Variants in CIC observed in about 807,000 individuals in gnomAD.
The protein encoded by CIC is protein capicua homolog.
Under a neutral mutation model 115.7 loss-of-function variants are expected in CIC, and 18 were observed. The observed-to-expected ratio is 0.16, with a 90% CI of 0.11 to 0.23. The LOEUF is 0.23. Ranked by LOEUF, CIC falls within the 10% of genes least tolerant of loss-of-function variation. CIC has a pLI of 1.00. For missense variants in CIC, 2,000 were observed against 2,159.3 expected (o/e 0.93, Z 1.46); for synonymous variants, 1,076 against 923.0 (o/e 1.17, Z -3.01).
In CIC at chr19:42,293,834, C is replaced by T. The variant is rs774212554; in HGVS notation, c.6765C>T (p.Asp2255=). Residue 2255 remains aspartate, a splice_region_variant and synonymous_variant, in exon 17 of 21, where the codon GAC becomes GAT. Transcript: ENST00000681038. ...TGAAGAAGACCTTTGACTCTGTGGA[C>T]AAGTGAGCATGGGCTGGGGCCTTGG... ...PPLKKTFDSV[D]NRVLSEVDFE... 9 of 1,612,784 alleles carry T rather than the reference C, an allele frequency of 5.6e-6. No individual in the cohort carries two copies. The South Asian group carries it at 7.7e-5, about 14-fold the overall frequency.
rs772983552 is a variant in CIC at position 42,292,216 on chromosome 19, A to G, written c.5735+9A>G. On this transcript the variant is annotated intron_variant, in intron 13 of 20. Coordinates refer to ENST00000681038, the MANE Select transcript of CIC (RefSeq NM_001386298.1). ...TTGCCCTCCTCCACCAGGTAATTGC[A>G]GCTGAGCCCATACTCAGAGGCCAGG... 2.0e-5 allele frequency: 33 copies of G among 1,613,920 alleles called. No homozygotes were observed. The highest frequency in any genetic ancestry group is 2.8e-5 in the Non-Finnish European group (33 of 1,180,004).
At chr19:42,285,116 A>G (rs528232299) in intron 2 of CIC, among the ~76,000 whole-genome samples, 4 of 152,140 alleles carry the variant, frequency 2.6e-5, no homozygotes, top group Admixed American at 6.5e-5. Flanking sequence ...TGGATTGGGT[A>G]GTGGGGCTAA....
chr19:42,281,525 C>T (rs761102029), intron 2 of CIC, among the ~76,000 whole-genome samples: 1 of 152,164 alleles, frequency 6.6e-6, no homozygotes, highest in Non-Finnish European at 1.5e-5. Flanking sequence ...CATCACAGTC[C>T]TGCTCAGTAC....
intron 2 of CIC, among the ~76,000 whole-genome samples, chr19:42,277,789 G>A (rs905567798): frequency 2.0e-5 from 3 of 152,194 alleles, no homozygotes; most frequent in Non-Finnish European, 2.9e-5. Context: ...CTTGTCCAGT[G>A]CCTATCCTGG....
In CIC at chr19:42,292,723, A is replaced by G. The variant is rs762363710; in HGVS notation, c.6060A>G (p.Pro2020=). The G allele has an allele frequency of 6.2e-7, 1 of 1,613,272 alleles. No individual in the cohort carries two copies. Among genetic ancestry groups the G allele is most frequent in the South Asian group, 1.1e-5 (1 of 91,056 alleles). ...APTSSAPLAQ[P]SQAPPSLVYT... is the part of the protein sequence containing the mutation. ...CCTCCTCAGCACCCCTGGCCCAGCCATCCCAGGCCCCCCCAAGCCTGGTCT... is the reference window on the plus strand; with the variant it reads ...CCTCCTCAGCACCCCTGGCCCAGCCGTCCCAGGCCCCCCCAAGCCTGGTCT... Residue 2020 remains proline (P), a synonymous_variant, in exon 15 of 21, where the codon CCA becomes CCG. Coordinates refer to ENST00000681038, the MANE Select transcript of CIC (RefSeq NM_001386298.1).
rs1391719010 is a variant in CIC, at chr19:42,289,895, C to T, written c.4135C>T (p.Arg1379Trp). Reference sequence around the variant, plus strand: ...TGACATTGATCTCAAGTGCAAGGAGCGGGTGACCGACAGCGAGAGTGGGGA... The same window carrying T: ...TGACATTGATCTCAAGTGCAAGGAGTGGGTGACCGACAGCGAGAGTGGGGA... Reference protein sequence around the residue: ...TTDIDLKCKERVTDSESGDSS... With the variant: ...TTDIDLKCKEWVTDSESGDSS... Residue 1379 changes from arginine (R) to tryptophan (W), a missense_variant, in exon 10 of 21, where the codon CGG becomes TGG. By Grantham distance (101) the Arg-to-Trp change is moderately radical. Coordinates refer to ENST00000681038, the MANE Select transcript of CIC (RefSeq NM_001386298.1). 4 of 1,609,994 alleles carry T rather than the reference C, an allele frequency of 2.5e-6. No homozygotes were observed. Among genetic ancestry groups the T allele is most frequent in the Non-Finnish European group, 2.5e-6 (3 of 1,178,462 alleles).
rs2038345909 is a variant in CIC at position 42,294,073 on chromosome 19, G to A, written c.6906G>A (p.Lys2302=). 2 of 1,613,602 alleles carry A rather than the reference G, an allele frequency of 1.2e-6. No homozygotes were observed. The highest frequency in any genetic ancestry group is 1.3e-5 in the African/African-American group (1 of 75,044). Residue 2302 remains lysine (K), a synonymous_variant, in exon 18 of 21, where the codon AAG becomes AAA. Transcript: ENST00000681038. ...CCATCCTGGGCTCTTACCGCAAGAA[G>A]AGGAAGAACTCCACGGGTAGGCGAG... is the stretch of plus-strand genomic sequence containing the variant. ...PRAILGSYRK[K]RKNSTDLDSA... is the part of the protein sequence containing the mutation.
At chr19:42,289,813 G>A (rs1431038071) in intron 9 of CIC, 35 bp from the exon 10 acceptor site, 1 of 1,515,052 alleles carries the variant, frequency 6.6e-7, no homozygotes, top group Non-Finnish European at 9.0e-7. Context: ...CCTGCATCTA[G>A]CCCCCTCCCC....
chr19:42,291,290 C>T lies in CIC; in HGVS notation c.5249C>T (p.Ala1750Val). ...TLPQQLQVAPAPAPAPGTKAA... is the reference protein window; with the variant it reads ...TLPQQLQVAPVPAPAPGTKAA... Reference sequence around the variant, plus strand: ...CCCCAGCAGCTTCAGGTGGCACCTGCCCCAGCACCAGCCCCTGGGACCAAG... The same window carrying T: ...CCCCAGCAGCTTCAGGTGGCACCTGTCCCAGCACCAGCCCCTGGGACCAAG... Residue 1750 changes from alanine to valine, a missense_variant, in exon 11 of 21, where the codon GCC becomes GTC. Coordinates refer to ENST00000681038, the MANE Select transcript of CIC (RefSeq NM_001386298.1). 1 of 1,612,764 alleles carries T rather than the reference C, an allele frequency of 6.2e-7. No individual in the cohort carries two copies. The highest frequency in any genetic ancestry group is 8.5e-7 in the Non-Finnish European group (1 of 1,179,824).
intron 16 of CIC, 78 bp downstream of exon 16, chr19:42,293,359 A>C (rs1031643482): frequency 2.8e-6 from 4 of 1,450,712 alleles, no homozygotes; most frequent in East Asian, 2.5e-5. Context: ...TTTCTGTCCT[A>C]CTCTTCTTTC....
At chr19:42,290,070 C>T (rs1469254290) in intron 10 of CIC, 119 bp downstream of exon 10, 12 of 1,383,102 alleles carry the variant, frequency 8.7e-6, no homozygotes, top group Non-Finnish European at 1.2e-5. Flanking sequence ...AGCTGCTTGC[C>T]CCGTGGGGAG....
In CIC at chr19:42,271,254, G is replaced by A. The variant is rs369660568; in HGVS notation, c.-10-520G>A. On this transcript the variant is annotated intron_variant, in intron 1 of 20. Transcript: ENST00000681038. ...AGCACACTGAAATGGTCAGGAGCAC[G>A]GACTCTGGAGCCAGAGAGCCTGGGT... Among the ~76,000 whole-genome samples the A allele has an allele frequency of 3.9e-5, 6 of 152,344 alleles. No homozygotes were observed. In the East Asian group the frequency reaches 9.6e-4, roughly 24 times the overall value.
Position 42,288,108 on chromosome 19 carries a change from G to C in CIC, c.3658+133G>C, listed in dbSNP as rs118168321. On this transcript the variant is annotated intron_variant, in intron 7 of 20. Transcript: ENST00000681038. ...CGCTTTAATTTGGCGACCCTTATCC[G>C]TAAAGGAACCGGCAGTTGATTCATG... is the stretch of plus-strand genomic sequence containing the variant. 5.0e-6 allele frequency: 5 copies of C among 1,006,094 alleles called. No homozygotes were observed. In the Admixed American group the frequency reaches 1.1e-4, roughly 22 times the overall value. The allele number at this position is 1,006,094 out of a possible 1,614,324, so 62.3% of individuals were successfully genotyped here. A position where few individuals can be genotyped will look rare whatever the true frequency, so the allele number is the denominator to read the frequency against.
In CIC at chr19:42,286,716, T is replaced by C. The variant is rs2037673684; in HGVS notation, c.2795-55T>C. On this transcript the variant is annotated intron_variant, in intron 2 of 20. Coordinates refer to ENST00000681038, the MANE Select transcript of CIC (RefSeq NM_001386298.1). The stretch of plus-strand genomic sequence containing the variant: ...CATCTAGGGTGGGGAAGAGCTTGAG[T>C]TGGGGTTGGGGCCAGGCTCTCCTGC... 9.3e-6 allele frequency: 15 copies of C among 1,609,888 alleles called. No individual in the cohort carries two copies. In the Admixed American group the frequency reaches 2.3e-4, roughly 25 times the overall value.
intron 2 of CIC, among the ~76,000 whole-genome samples, chr19:42,286,343 C>T (rs1011865867): frequency 2.0e-5 from 3 of 151,888 alleles, no homozygotes; most frequent in African/African-American, 7.3e-5. Flanking sequence ...CAAGGTGAGA[C>T]GCTGTGTTGG....
chr19:42,271,353 C>T (rs1308596237), intron 1 of CIC, among the ~76,000 whole-genome samples: 1 of 152,162 alleles, frequency 6.6e-6, no homozygotes, highest in Non-Finnish European at 1.5e-5. Flanking sequence ...GGCTCAGTTT[C>T]CTCAGGTGTG....
Position 42,295,569 on chromosome 19 carries a change from G to A in CIC, c.*378G>A, listed in dbSNP as rs1353166503. On this transcript the variant is annotated 3_prime_UTR_variant, in exon 21 of 21. Coordinates refer to ENST00000681038, the MANE Select transcript of CIC (RefSeq NM_001386298.1). ...TTCATGCACCCCTTTTTTCCCCAGA[G>A]GGGCTGGACTCAGGTTAGTTTGGGG... 3 of 257,598 alleles carry A rather than the reference G, an allele frequency of 1.2e-5. No individual in the cohort carries two copies. The East Asian group carries it at 1.8e-4, about 15-fold the overall frequency. 16.0% of individuals were successfully genotyped at this position (257,598 alleles called of 1,614,324 possible).
At position 42,290,971 on chromosome 19, in the gene CIC, G is replaced by A. The variant is rs778902184; in HGVS notation, c.4930G>A (p.Ala1644Thr). The A allele has an allele frequency of 1.2e-6, 2 of 1,613,750 alleles. No homozygotes were observed. Among genetic ancestry groups the A allele is most frequent in the Non-Finnish European group, 1.7e-6 (2 of 1,180,012 alleles). Residue 1644 changes from alanine (A) to threonine (T), a missense_variant, in exon 11 of 21, where the codon GCA becomes ACA. Transcript: ENST00000681038. ...VSLVYSDKKS[A>T]AATSPAPHLV... ...CTTAGTGTATTCGGACAAGAAGTCG[G>A]CAGCAGCCACCTCACCAGCCCCACA...
chr19:42,284,592 C>A (rs941071295), intron 2 of CIC: 1 of 459,702 alleles, frequency 2.2e-6, no homozygotes, highest in Non-Finnish European at 3.4e-6. Flanking sequence ...GCGGCGACGG[C>A]CTCCCGCTCC....
Sources: allele counts gnomAD v4.1 joint callset (sites outside exome capture counted in the v4.1 genomes callset), GRCh38; gene constraint gnomAD v4.1.1; transcripts MANE v1.5; gene names NCBI Gene and HGNC (gene_info 2026-07-23, HGNC 2026-07-21).